The following GABBR2 variants were observed in gnomAD, a reference collection of about 807,000 sequenced individuals.
GABBR2 encodes the protein gamma-aminobutyric acid type B receptor subunit 2, also known as G-protein coupled receptor 51.
Under a neutral mutation model 105.6 loss-of-function variants are expected in GABBR2, and 23 were observed. The ratio of observed to expected loss-of-function variants is 0.22; its 90% confidence interval spans 0.16 to 0.31. The LOEUF is 0.31. GABBR2 is among the 10% of genes least tolerant of loss of function. The pLI, the probability that GABBR2 is intolerant of heterozygous loss-of-function variation, is 1.00. For missense variants in GABBR2, 734 were observed against 1,245.5 expected, an observed-to-expected ratio of 0.59 and a Z score of 6.18; for synonymous variants, 478 against 499.7, an observed-to-expected ratio of 0.96 and a Z score of 0.58.
chr9:98,628,012 T>C (rs1173001902), intron 1 of GABBR2, among the ~76,000 whole-genome samples: 1 of 152,216 alleles, frequency 6.6e-6, no homozygotes, highest in Non-Finnish European at 1.5e-5. Flanking sequence ...TGTAGCTAAA[T>C]GGCTTTTAAT....
intron 6 of GABBR2, among the ~76,000 whole-genome samples, chr9:98,456,034 G>T (rs1457926647): frequency 6.6e-6 from 1 of 152,014 alleles, no homozygotes; most frequent in South Asian, 2.1e-4. Flanking sequence ...CAAATCCCAG[G>T]TTCCTCAAAG....
At chr9:98,681,518 G>A (rs1042341649) in intron 1 of GABBR2, among the ~76,000 whole-genome samples, 10 of 151,500 alleles carry the variant, frequency 6.6e-5, no homozygotes, top group African/African-American at 2.4e-4. Context: ...TACCAGCATG[G>A]CACATGTATA....
At chr9:98,463,679 A>C (rs556850466) in intron 6 of GABBR2, among the ~76,000 whole-genome samples, 35 of 144,326 alleles carry the variant, frequency 2.4e-4, no homozygotes, top group African/African-American at 7.8e-4. Flanking sequence ...TCTCTTGCAG[A>C]GCCTGGGCAG....
intron 13 of GABBR2, among the ~76,000 whole-genome samples, chr9:98,323,358 G>C (rs1009748984): frequency 3.3e-5 from 5 of 152,250 alleles, no homozygotes; most frequent in Non-Finnish European, 5.9e-5. Context: ...GCTGTGATGT[G>C]AAAGAGGATG....
At chr9:98,311,855 A>C (rs1020929321) in intron 13 of GABBR2, among the ~76,000 whole-genome samples, 1 of 152,218 alleles carries the variant, frequency 6.6e-6, no homozygotes, top group African/African-American at 2.4e-5. Flanking sequence ...CTGCCTAATG[A>C]GGGTTGATGG....
In GABBR2 at chr9:98,388,619, C is replaced by CTG. The variant is rs113747643; in HGVS notation, c.1529+233_1529+234dup. The stretch of plus-strand genomic sequence containing the variant: ...TCCTGTGCAACCAGCAGCCTGGCCT[C>CTG]TGTGTGTGTGTGTGTGTGTGTGTGT... On this transcript the variant is annotated intron_variant, in intron 10 of 18. Transcript: ENST00000259455. This position sits in a 1 kb window ranked among gnomAD's most constrained non-coding sequence, Gnocchi z 4.4. Among the ~76,000 whole-genome samples the CTG allele has an allele frequency of 0.022, 3,125 of 144,490 alleles. 29 individuals carry two copies. The highest frequency in any genetic ancestry group is 0.054 in the South Asian group (233 of 4,282). The allele number at this position is 144,490 out of a possible 152,430, so 94.8% of individuals were successfully genotyped here.
intron 1 of GABBR2, among the ~76,000 whole-genome samples, chr9:98,656,107 A>T (rs1451390335): frequency 9.2e-5 from 14 of 152,338 alleles, no homozygotes; most frequent in African/African-American, 3.1e-4. Context: ...AACAGAGAGG[A>T]GGTCAAAGTG....
chr9:98,414,012 G>C (rs1832639073), intron 7 of GABBR2, among the ~76,000 whole-genome samples: 1 of 152,226 alleles, frequency 6.6e-6, no homozygotes, highest in Non-Finnish European at 1.5e-5. Flanking sequence ...GTCCTGTTGG[G>C]CACCTATGAT....
intron 1 of GABBR2, among the ~76,000 whole-genome samples, chr9:98,694,302 A>C (rs919177371): frequency 2.0e-5 from 3 of 152,170 alleles, no homozygotes; most frequent in Admixed American, 6.5e-5. Context: ...GCCCTCACTA[A>C]CTTTCATGCT....
intron 3 of GABBR2, among the ~76,000 whole-genome samples, chr9:98,502,762 C>T (rs1827430047): frequency 1.3e-5 from 2 of 152,222 alleles, no homozygotes; most frequent in South Asian, 4.1e-4. Context: ...GGCTCTCAAT[C>T]TGAGCTCTTG....
chr9:98,372,044 G>A (rs1831793227), intron 11 of GABBR2, among the ~76,000 whole-genome samples: 1 of 152,228 alleles, frequency 6.6e-6, no homozygotes, highest in Non-Finnish European at 1.5e-5. Context: ...ACTGGCCACT[G>A]AGCCCACACT....
intron 7 of GABBR2, among the ~76,000 whole-genome samples, chr9:98,444,900 C>T (rs993925518): frequency 1.3e-5 from 2 of 152,204 alleles, no homozygotes; most frequent in East Asian, 1.9e-4. Flanking sequence ...CACACACACA[C>T]GCACGTGACC....
chr9:98,497,496 G>C (rs886302011), intron 3 of GABBR2, among the ~76,000 whole-genome samples: 1 of 152,138 alleles, frequency 6.6e-6, no homozygotes, highest in Non-Finnish European at 1.5e-5. Flanking sequence ...GGCCATGGCT[G>C]TGCACCCTCT....
At chr9:98,612,694 A>G (rs952540629) in intron 1 of GABBR2, among the ~76,000 whole-genome samples, 1 of 152,252 alleles carries the variant, frequency 6.6e-6, no homozygotes, top group Non-Finnish European at 1.5e-5. Context: ...ATTTAAAGAC[A>G]TAGCATTACT....
chr9:98,707,786 G>C (rs950325761), intron 1 of GABBR2, among the ~76,000 whole-genome samples: 2 of 152,202 alleles, frequency 1.3e-5, no homozygotes, highest in Non-Finnish European at 2.9e-5. Flanking sequence ...AATCGCTCTG[G>C]CCACAGGCAG....
In GABBR2 at chr9:98,444,998, T is replaced by G. The variant is rs925971128; in HGVS notation, c.1236+8983A>C. ...AAGAAATCTAAGTCCTGTTAATACT[T>G]CTGTTGTCAGTTCTGATTATTTATC... On this transcript the variant is annotated intron_variant, in intron 7 of 18. Coordinates refer to ENST00000259455, the MANE Select transcript of GABBR2 (RefSeq NM_005458.8). Among the ~76,000 whole-genome samples the G allele has an allele frequency of 6.6e-5, 10 of 152,390 alleles. No individual in the cohort carries two copies. The South Asian group carries it at 2.1e-3, about 32-fold the overall frequency.
intron 1 of GABBR2, among the ~76,000 whole-genome samples, chr9:98,645,934 T>C (rs998676565): frequency 2.0e-5 from 3 of 152,168 alleles, no homozygotes; most frequent in African/African-American, 4.8e-5. Context: ...GATGAAGAAA[T>C]GGAAGCACAC....
chr9:98,303,853 G>C (rs1830508940), intron 15 of GABBR2, among the ~76,000 whole-genome samples: 1 of 152,236 alleles, frequency 6.6e-6, no homozygotes, highest in African/African-American at 2.4e-5. Flanking sequence ...CTGGAAGCAG[G>C]CTAGTAACAA....
intron 13 of GABBR2, among the ~76,000 whole-genome samples, chr9:98,362,010 G>C (rs950445270): frequency 3.9e-5 from 6 of 152,190 alleles, no homozygotes; most frequent in Admixed American, 2.0e-4. Context: ...GAGAGAAACA[G>C]AGATTCTTAT....
Sources: allele counts gnomAD v4.1 joint callset (sites outside exome capture counted in the v4.1 genomes callset), GRCh38; gene constraint gnomAD v4.1.1; non-coding constraint Gnocchi (gnomAD v3.1); transcripts MANE v1.5; gene names NCBI Gene and HGNC (gene_info 2026-07-23, HGNC 2026-07-21).